The following MYO1D variants were observed in gnomAD, a reference collection of about 807,000 sequenced individuals.
MYO1D encodes the protein unconventional myosin-Id.
A neutral mutation model predicts 122.0 loss-of-function variants in MYO1D; 83 were observed. The ratio of observed to expected loss-of-function variants is 0.68; its 90% CI spans 0.57 to 0.82. The LOEUF (loss-of-function observed/expected upper bound fraction) is 0.82. Among genes scored for constraint, MYO1D ranks in the 40% least tolerant of loss-of-function variants. The probability of loss-of-function intolerance (pLI) is 0.00; values close to 1 mark genes in which losing one functional copy is unlikely to be tolerated. For missense variants in MYO1D, 1,157 were observed against 1,269.5 expected (o/e 0.91, Z 1.35); for synonymous variants, 464 against 446.9 (o/e 1.04, Z -0.48).
At chr17:32,609,273 C>T (rs146322903) in intron 20 of MYO1D, among the ~76,000 whole-genome samples, 16 of 152,238 alleles carry the variant, frequency 1.1e-4, no homozygotes, top group South Asian at 2.1e-4. Context: ...CATAAAATAC[C>T]GAAGTGCCAC....
At chr17:32,842,602 C>A (rs2090893972) in intron 1 of MYO1D, among the ~76,000 whole-genome samples, 1 of 152,058 alleles carries the variant, frequency 6.6e-6, no homozygotes, top group African/African-American at 2.4e-5. Context: ...GGTGATCTAC[C>A]CCAACCAGAC....
chr17:32,856,828 G>C (rs962668763), intron 1 of MYO1D, among the ~76,000 whole-genome samples: 5 of 152,120 alleles, frequency 3.3e-5, no homozygotes, highest in South Asian at 2.1e-4. Context: ...AATCTCAGAG[G>C]CATGTTCTAT....
intron 1 of MYO1D, among the ~76,000 whole-genome samples, chr17:32,810,817 C>T (rs967757050): frequency 6.6e-6 from 1 of 152,118 alleles, no homozygotes; most frequent in African/African-American, 2.4e-5. Flanking sequence ...ACAATTTCCT[C>T]GGCTTAGGAT....
At chr17:32,807,587 G>C (rs2090527837) in intron 1 of MYO1D, among the ~76,000 whole-genome samples, 1 of 152,140 alleles carries the variant, frequency 6.6e-6, no homozygotes, top group Non-Finnish European at 1.5e-5. Flanking sequence ...GCGGGAGTTA[G>C]GCAAGGCCAT....
chr17:32,651,549 C>T (rs2088388679), intron 19 of MYO1D, among the ~76,000 whole-genome samples: 1 of 151,964 alleles, frequency 6.6e-6, no homozygotes, highest in Admixed American at 6.6e-5. Context: ...TTGCAGGGCT[C>T]ATCACCTCAT....
At position 32,647,687 on chromosome 17, in the gene MYO1D, A is replaced by AT. The variant is rs10561856; in HGVS notation, c.2595+6155dup. 1.5e-3 allele frequency among the ~76,000 whole-genome samples: 199 copies of AT among 136,394 alleles called. 1 individual carries two copies. The highest frequency in any genetic ancestry group is 3.9e-3 in the Middle Eastern group (1 of 258). The allele number at this position is 136,394 out of a possible 152,430, so 89.5% of individuals were successfully genotyped here. A position where few individuals can be genotyped will look rare whatever the true frequency, so the allele number is the denominator to read the frequency against. ...TACAAACTGACATTATAGCTTATAC[A>AT]TTTTTTTTTTTTTTTTTTGCATGGG... On this transcript the variant is annotated intron_variant, in intron 19 of 21. Transcript: ENST00000318217.
chr17:32,597,958 C>G (rs1027272469), intron 21 of MYO1D, among the ~76,000 whole-genome samples: 6 of 151,746 alleles, frequency 4.0e-5, no homozygotes, highest in Non-Finnish European at 8.8e-5. Flanking sequence ...GTACCTTGCC[C>G]TTTTTTCCTC....
intron 16 of MYO1D, among the ~76,000 whole-genome samples, chr17:32,669,277 C>T (rs1200769139): frequency 6.6e-6 from 1 of 152,190 alleles, no homozygotes; most frequent in Non-Finnish European, 1.5e-5. Context: ...GATAAGAACA[C>T]TCTCACCACC....
At chr17:32,636,054 A>G (rs993494560) in intron 20 of MYO1D, among the ~76,000 whole-genome samples, 1 of 152,186 alleles carries the variant, frequency 6.6e-6, no homozygotes, top group Admixed American at 6.5e-5. Context: ...CATTTCCTTC[A>G]GTGATTCTCT....
At chr17:32,560,538 T>TAC (rs1389040232) in intron 21 of MYO1D, among the ~76,000 whole-genome samples, 1 of 37,402 alleles carries the variant, frequency 2.7e-5, no homozygotes, top group Non-Finnish European at 4.8e-5. Context: ...CATATATATA[T>TAC]ATATATATAT....
intron 1 of MYO1D, among the ~76,000 whole-genome samples, chr17:32,856,612 T>C (rs1389385047): frequency 2.6e-5 from 4 of 152,194 alleles, no homozygotes; most frequent in Admixed American, 2.0e-4. Flanking sequence ...TTCCTTGGCC[T>C]TTCTCAAGTG....
At chr17:32,515,452 C>T (rs761328538) in intron 21 of MYO1D, among the ~76,000 whole-genome samples, 17 of 152,004 alleles carry the variant, frequency 1.1e-4, no homozygotes, top group African/African-American at 2.7e-4. Context: ...CCTCCATGCC[C>T]GGCTAATTTT....
chr17:32,631,461 C>T (rs2640830), intron 20 of MYO1D, among the ~76,000 whole-genome samples: 21,695 of 152,080 alleles, frequency 0.14, 1,852 homozygotes, highest in East Asian at 0.3. Context: ...GCTTGGGCAA[C>T]GTGAGACCCT....
intron 6 of MYO1D, among the ~76,000 whole-genome samples, chr17:32,770,547 A>G (rs2090102911): frequency 6.6e-6 from 1 of 152,150 alleles, no homozygotes; most frequent in African/African-American, 2.4e-5. Context: ...TAGATGAACT[A>G]GAAATAAAAT....
At chr17:32,644,529 T>C (rs1046119965) in intron 19 of MYO1D, among the ~76,000 whole-genome samples, 1 of 152,278 alleles carries the variant, frequency 6.6e-6, no homozygotes, top group East Asian at 1.9e-4. Context: ...AAGTCTCCCA[T>C]TATTATTGTG....
At chr17:32,857,307 C>T (rs919835340) in intron 1 of MYO1D, among the ~76,000 whole-genome samples, 3 of 152,228 alleles carry the variant, frequency 2.0e-5, no homozygotes, top group African/African-American at 4.8e-5. Flanking sequence ...ATCCTTTGGC[C>T]GGGCACGGTG....
intron 21 of MYO1D, among the ~76,000 whole-genome samples, chr17:32,538,891 C>T (rs950072787): frequency 2.6e-5 from 4 of 151,972 alleles, no homozygotes; most frequent in African/African-American, 4.8e-5. Flanking sequence ...GTGAGAGCTG[C>T]TGAACAATGA....
At position 32,764,878 on chromosome 17, in the gene MYO1D, C is replaced by T. The variant is rs1230781158; in HGVS notation, c.1035G>A (p.Lys345=). The T allele has an allele frequency of 5.0e-6, 8 of 1,613,838 alleles. No individual in the cohort carries two copies. Among genetic ancestry groups the T allele is most frequent in the Non-Finnish European group, 8.5e-7 (1 of 1,180,022 alleles). ...EASYGRDAFA[K]AIYERLFCWI... Reference sequence around the variant, plus strand: ...GACATAGGGTCAGTTACACTCTCACCTTGGCAAAGGCGTCTCTGCCGTAGC... The same window carrying T: ...GACATAGGGTCAGTTACACTCTCACTTTGGCAAAGGCGTCTCTGCCGTAGC... Residue 345 remains lysine (K), a splice_region_variant and synonymous_variant, in exon 8 of 22, where the codon AAG becomes AAA. Coordinates refer to ENST00000318217, the MANE Select transcript of MYO1D (RefSeq NM_015194.3).
At chr17:32,862,428 C>A (rs1054636226) in intron 1 of MYO1D, among the ~76,000 whole-genome samples, 3 of 152,170 alleles carry the variant, frequency 2.0e-5, no homozygotes, top group African/African-American at 7.2e-5. Flanking sequence ...CATGGAAAAG[C>A]ATTTAAGATA....
Sources: allele counts gnomAD v4.1 joint callset (sites outside exome capture counted in the v4.1 genomes callset), GRCh38; gene constraint gnomAD v4.1.1; transcripts MANE v1.5; gene names NCBI Gene and HGNC (gene_info 2026-07-23, HGNC 2026-07-21).